Variants in NR3C2 observed in about 807,000 individuals in gnomAD.
NR3C2 encodes the protein nuclear receptor subfamily 3 group C member 2.
In NR3C2, 15 loss-of-function variants were observed where a neutral mutation model predicts 86.4. That is an observed-to-expected ratio of 0.17 (90% confidence interval 0.12 to 0.27). NR3C2 has a LOEUF of 0.27. Among genes scored for constraint, NR3C2 ranks in the 10% least tolerant of loss-of-function variants. The pLI, the probability that NR3C2 is intolerant of heterozygous loss-of-function variation, is 1.00. For missense variants in NR3C2, 960 were observed against 1,195.6 expected (o/e 0.80, Z 2.91); for synonymous variants, 458 against 450.5 (o/e 1.02, Z -0.21).
At chr4:148,256,914 T>A (rs1364465463) in intron 3 of NR3C2, among the ~76,000 whole-genome samples, 5 of 152,136 alleles carry the variant, frequency 3.3e-5, no homozygotes, top group Admixed American at 1.3e-4. Context: ...CACACAAAAA[T>A]TTATACTTTA....
chr4:148,214,321 T>A (rs1737418390), intron 3 of NR3C2, among the ~76,000 whole-genome samples: 1 of 152,208 alleles, frequency 6.6e-6, no homozygotes, highest in Non-Finnish European at 1.5e-5. Context: ...TCAGTCTACA[T>A]ACCATATTGT....
intron 2 of NR3C2, among the ~76,000 whole-genome samples, chr4:148,411,966 A>G (rs1748729156): frequency 6.6e-6 from 1 of 152,202 alleles, no homozygotes; most frequent in Admixed American, 6.5e-5. Context: ...GACAGCATCA[A>G]TTTAAAAAAG....
rs1246362868 is a variant in NR3C2 at position 148,407,757 on chromosome 4, G to A, written c.1757+27347C>T. 8.5e-5 allele frequency among the ~76,000 whole-genome samples: 13 copies of A among 152,086 alleles called. No individual in the cohort carries two copies. In the East Asian group the frequency reaches 2.1e-3, roughly 25 times the overall value. The stretch of plus-strand genomic sequence containing the variant: ...CATTCCATTTTTACATTAGTTAGGA[G>A]TTCTTTTAATTATTTTAGTCTTATT... On this transcript the variant is annotated intron_variant, in intron 2 of 8. Coordinates refer to ENST00000358102, the MANE Select transcript of NR3C2 (RefSeq NM_000901.5).
rs1405028878 is a variant in NR3C2, at chr4:148,227,903, C to A, written c.1897+32075G>T. 8.5e-5 allele frequency among the ~76,000 whole-genome samples: 13 copies of A among 152,232 alleles called. No homozygotes were observed. In the East Asian group the frequency reaches 2.5e-3, roughly 29 times the overall value. ...TCCAAGATCATTTGTATTTTCTCTG[C>A]CCCTAGTCCTAAATCCAGCCACTGC... On this transcript the variant is annotated intron_variant, in intron 3 of 8. Coordinates refer to ENST00000358102, the MANE Select transcript of NR3C2 (RefSeq NM_000901.5).
At chr4:148,239,803 C>T (rs9994750) in intron 3 of NR3C2, among the ~76,000 whole-genome samples, 139,962 of 152,200 alleles carry the variant, frequency 0.92, 65,480 homozygotes, top group East Asian at 1. Context: ...TCCCTGCTGT[C>T]TGGGAGAATG....
chr4:148,404,076 A>G (rs1378347101), intron 2 of NR3C2, among the ~76,000 whole-genome samples: 1 of 152,096 alleles, frequency 6.6e-6, no homozygotes, highest in African/African-American at 2.4e-5. Context: ...TTTTGAACTC[A>G]GATGTATCTG....
In NR3C2 at chr4:148,365,202, G is replaced by C. The variant is rs77330398; in HGVS notation, c.1757+69902C>G. ...CAGAAAAGATACATCACAGTTGAAG[G>C]GGGCTAGGAAAGCCTTTCTTCCCTT... On this transcript the variant is annotated intron_variant, in intron 2 of 8. Coordinates refer to ENST00000358102, the MANE Select transcript of NR3C2 (RefSeq NM_000901.5). Among the ~76,000 whole-genome samples, 597 of 152,276 alleles carry C rather than the reference G, an allele frequency of 3.9e-3. 6 individuals carry two copies. The highest frequency in any genetic ancestry group is 0.013 in the African/African-American group (539 of 41,558).
At chr4:148,296,044 C>CAAAAAAAAAAAA (rs529710200) in intron 2 of NR3C2, among the ~76,000 whole-genome samples, 5 of 73,960 alleles carry the variant, frequency 6.8e-5, no homozygotes, top group African/African-American at 1.6e-4. Context: ...GAGCTGAGGC[C>CAAAAAAAAAAAA]AAAAAAAAAA....
intron 3 of NR3C2, among the ~76,000 whole-genome samples, chr4:148,229,758 T>C (rs1477014426): frequency 6.6e-6 from 1 of 152,208 alleles, no homozygotes; most frequent in Non-Finnish European, 1.5e-5. Context: ...CCAATTTAAA[T>C]AGTCAGAAGA....
chr4:148,132,509 A>T (rs2149743997), intron 6 of NR3C2, among the ~76,000 whole-genome samples: 1 of 152,336 alleles, frequency 6.6e-6, no homozygotes, highest in Middle Eastern at 3.4e-3. Flanking sequence ...TACGCCTGGC[A>T]CTTAATTCTT....
intron 8 of NR3C2, among the ~76,000 whole-genome samples, chr4:148,100,593 G>A (rs1012444395): frequency 3.9e-5 from 6 of 152,216 alleles, no homozygotes; most frequent in Non-Finnish European, 7.3e-5. Context: ...AGGATGTGGA[G>A]AAATTAGAAT....
At chr4:148,253,224 C>G (rs1230507330) in intron 3 of NR3C2, among the ~76,000 whole-genome samples, 3 of 152,168 alleles carry the variant, frequency 2.0e-5, no homozygotes, top group African/African-American at 4.8e-5. Context: ...TGGGTGTTGC[C>G]TCTGCACTGG....
At position 148,134,334 on chromosome 4, in the gene NR3C2, C is replaced by A. The variant is rs527555213; in HGVS notation, c.2511-14046G>T. Among the ~76,000 whole-genome samples the A allele has an allele frequency of 2.0e-5, 3 of 152,302 alleles. No individual in the cohort carries two copies. In the South Asian group the frequency reaches 6.2e-4, roughly 32 times the overall value. On this transcript the variant is annotated intron_variant, in intron 6 of 8. Transcript: ENST00000358102. The stretch of plus-strand genomic sequence containing the variant: ...AACATCAACACTGAAACATACACTA[C>A]ACATGCACACAAAATGGCATGAATA...
At chr4:148,266,075 C>CTTT (rs71594256) in intron 2 of NR3C2, among the ~76,000 whole-genome samples, 12 of 134,880 alleles carry the variant, frequency 8.9e-5, no homozygotes, top group South Asian at 4.8e-4. Context: ...CAGAAGGCCG[C>CTTT]TTTTTTTTTT....
chr4:148,222,840 T>C (rs2149829302), intron 3 of NR3C2, among the ~76,000 whole-genome samples: 1 of 152,294 alleles, frequency 6.6e-6, no homozygotes, highest in South Asian at 2.1e-4. Flanking sequence ...ACCAGCTTTT[T>C]AGATACTACA....
At position 148,080,787 on chromosome 4, in the gene NR3C2, C is replaced by T. The variant is rs867270809; in HGVS notation, c.*557G>A. On this transcript the variant is annotated 3_prime_UTR_variant, in exon 9 of 9. Coordinates refer to ENST00000358102, the MANE Select transcript of NR3C2 (RefSeq NM_000901.5). ...TGTGTATACCAGTGATGCAGAAGAC[C>T]GTGGACGAGCGAGGGCTCAGAGGCA... is the stretch of plus-strand genomic sequence containing the variant. 1.2e-5 allele frequency: 5 copies of T among 422,422 alleles called. No homozygotes were observed. The highest frequency in any genetic ancestry group is 6.8e-4 in the Middle Eastern group (2 of 2,922). 26.2% of individuals were successfully genotyped at this position (422,422 alleles called of 1,614,324 possible). A position where few individuals can be genotyped will look rare whatever the true frequency, so the allele number is the denominator to read the frequency against.
intron 4 of NR3C2, among the ~76,000 whole-genome samples, chr4:148,176,356 A>G (rs1002911072): frequency 9.2e-5 from 14 of 152,348 alleles, no homozygotes; most frequent in Admixed American, 6.5e-4. Flanking sequence ...GTTTTCTGCA[A>G]GACTGCTGGA....
intron 6 of NR3C2, among the ~76,000 whole-genome samples, chr4:148,141,579 T>C (rs975611849): frequency 3.3e-5 from 5 of 152,072 alleles, no homozygotes; most frequent in African/African-American, 4.8e-5. Flanking sequence ...TACCAAATGA[T>C]TGAGATATAA....
chr4:148,346,237 G>A (rs1460620232), intron 2 of NR3C2, among the ~76,000 whole-genome samples: 1 of 152,124 alleles, frequency 6.6e-6, no homozygotes, highest in African/African-American at 2.4e-5. Flanking sequence ...GGAATTGTGA[G>A]CAACATTGTG....
Sources: gnomAD v4.1 joint callset for allele counts (sites outside exome capture counted in the v4.1 genomes callset) on GRCh38, gnomAD v4.1.1 for gene constraint, MANE v1.5 for transcripts, NCBI Gene and HGNC (gene_info 2026-07-23, HGNC 2026-07-21) for gene names.